Variants in OVOL2 observed in about 807,000 individuals in gnomAD.
OVOL2 encodes transcription factor Ovo-like 2.
OVOL2 carries 13 observed loss-of-function variants against 18.1 expected under a neutral mutation model. The observed-to-expected ratio is 0.72, with a 90% CI of 0.47 to 1.14. The LOEUF (loss-of-function observed/expected upper bound fraction) is 1.14. OVOL2 is among the 50% of genes most tolerant of loss of function. The pLI, the probability that OVOL2 is intolerant of heterozygous loss-of-function variation, is 0.00. For synonymous variants in OVOL2, 166 were observed against 162.7 expected (o/e 1.02, Z -0.16); for missense variants, 335 against 383.0 (o/e 0.87, Z 1.05).
chr20:18,049,552 C>CCG (rs759076494), intron 2 of OVOL2, among the ~76,000 whole-genome samples: 10 of 79,752 alleles, frequency 1.3e-4, no homozygotes, highest in Admixed American at 1.2e-3. Context: ...CATTCAGATT[C>CCG]CCCCCCCGAT....
intron 3 of OVOL2, among the ~76,000 whole-genome samples, chr20:18,026,898 AAAG>A (rs2036524485): frequency 6.6e-6 from 1 of 151,986 alleles, no homozygotes; most frequent in South Asian, 2.1e-4. Context: ...TCACACTCAA[AAAG>A]AAGGATGGGA....
At chr20:18,036,968 C>G (rs1381291038) in intron 3 of OVOL2, among the ~76,000 whole-genome samples, 1 of 151,876 alleles carries the variant, frequency 6.6e-6, no homozygotes, top group Non-Finnish European at 1.5e-5. Context: ...AACCCCGTCT[C>G]TACTGAAAAT....
intron 3 of OVOL2, among the ~76,000 whole-genome samples, chr20:18,039,813 C>A (rs910095136): frequency 6.6e-6 from 1 of 152,074 alleles, no homozygotes; most frequent in Non-Finnish European, 1.5e-5. Context: ...TAAGAAGGAA[C>A]CTGTATGAGG....
intron 2 of OVOL2, among the ~76,000 whole-genome samples, chr20:18,053,536 A>G (rs973039259): frequency 6.6e-6 from 1 of 152,126 alleles, no homozygotes; most frequent in African/African-American, 2.4e-5. Context: ...CTTCGTCTCT[A>G]TTAAAAATAC....
chr20:18,034,282 C>A (rs145724567), intron 3 of OVOL2, among the ~76,000 whole-genome samples: 1 of 152,152 alleles, frequency 6.6e-6, no homozygotes, highest in Non-Finnish European at 1.5e-5. Flanking sequence ...CCTCAGCCAA[C>A]GTCAGACTGA....
intron 2 of OVOL2, chr20:18,050,746 T>C (rs1390095126): frequency 6.6e-6 from 1 of 152,268 alleles, no homozygotes; most frequent in Non-Finnish European, 1.5e-5. Context: ...TGTTGACTTC[T>C]TCCCCTGCCT....
At chr20:18,052,749 C>T (rs1230805299) in intron 2 of OVOL2, among the ~76,000 whole-genome samples, 4 of 152,262 alleles carry the variant, frequency 2.6e-5, no homozygotes, top group East Asian at 1.9e-4. Context: ...AAAGAAAGAA[C>T]AGAATAGGAA....
At chr20:18,038,761 AG>A (rs2036642658) in intron 3 of OVOL2, among the ~76,000 whole-genome samples, 1 of 151,996 alleles carries the variant, frequency 6.6e-6, no homozygotes, top group African/African-American at 2.4e-5. Flanking sequence ...ACCCTCAAGG[AG>A]GGGCTGAGAC....
At chr20:18,047,133 G>A (rs1383636665) in intron 2 of OVOL2, among the ~76,000 whole-genome samples, 1 of 152,176 alleles carries the variant, frequency 6.6e-6, no homozygotes, top group Non-Finnish European at 1.5e-5. Flanking sequence ...CTACCACTTA[G>A]TTTGTGGCAA....
In OVOL2 at chr20:18,057,024, A is replaced by G. The variant is rs1294502105; in HGVS notation, c.101-147T>C. On this transcript the variant is annotated intron_variant, in intron 1 of 3. Coordinates refer to ENST00000278780, the MANE Select transcript of OVOL2 (RefSeq NM_021220.4). The surrounding 1 kb of genome is among the most constrained non-coding windows in gnomAD (Gnocchi z 6.3). ...GGGCAACGTCGCGGGGGAGGCCAGTAAGCCCCGAATCGGCCCACAGAGCTA... is the reference window on the plus strand; with the variant it reads ...GGGCAACGTCGCGGGGGAGGCCAGTGAGCCCCGAATCGGCCCACAGAGCTA... 9.7e-6 allele frequency: 9 copies of G among 931,364 alleles called. No individual in the cohort carries two copies. Among genetic ancestry groups the G allele is most frequent in the Non-Finnish European group, 1.2e-5 (8 of 676,570 alleles). 57.7% of individuals were successfully genotyped at this position (931,364 alleles called of 1,614,324 possible).
intron 3 of OVOL2, 108 bp from the exon 4 acceptor site, chr20:18,025,060 A>T: frequency 7.7e-7 from 1 of 1,298,386 alleles, no homozygotes. Flanking sequence ...TCATGGCAGC[A>T]TGAGGACAAT....
rs1343085338 is a variant in OVOL2 at position 18,056,647 on chromosome 20, G to T, written c.321+10C>A. 5.0e-6 allele frequency: 7 copies of T among 1,404,132 alleles called. No homozygotes were observed. Among genetic ancestry groups the T allele is most frequent in the Non-Finnish European group, 6.5e-6 (7 of 1,080,646 alleles). The allele number at this position is 1,404,132 out of a possible 1,614,324, so 87.0% of individuals were successfully genotyped here. On this transcript the variant is annotated intron_variant, in intron 2 of 3. Transcript: ENST00000278780. The surrounding 1 kb of genome is among the most constrained non-coding windows in gnomAD (Gnocchi z 4.2). ...TGCAGGTGGCGGCGGGGGCAGAGTC[G>T]ACACAGTACCTTGATTTTCGATCTG... is the stretch of plus-strand genomic sequence containing the variant.
In OVOL2 at chr20:18,056,800, T is replaced by TGCTGCC. The variant is rs1191019946; in HGVS notation, c.172_177dup (p.Gly58_Ser59dup). 1.4e-5 allele frequency: 21 copies of TGCTGCC among 1,492,860 alleles called. No individual in the cohort carries two copies. Among genetic ancestry groups the TGCTGCC allele is most frequent in the Middle Eastern group, 2.0e-4 (1 of 4,972 alleles). The allele number at this position is 1,492,860 out of a possible 1,614,324, so 92.5% of individuals were successfully genotyped here. On this transcript the variant is annotated inframe_insertion, in exon 2 of 4. Transcript: ENST00000278780. The surrounding 1 kb of genome is among the most constrained non-coding windows in gnomAD (Gnocchi z 4.2). ...GCTCCTCCAGGCTCCCCCGCGCTGCTGCTGCCGCTGCCGCTGCTGCTGCCG... is the reference window on the plus strand; with the variant it reads ...GCTCCTCCAGGCTCCCCCGCGCTGCTGCTGCCGCTGCCGCTGCCGCTGCTGCTGCCG...
At chr20:18,052,593 T>C (rs1336929986) in intron 2 of OVOL2, among the ~76,000 whole-genome samples, 1 of 152,116 alleles carries the variant, frequency 6.6e-6, no homozygotes, top group Non-Finnish European at 1.5e-5. Context: ...TTGTAAATAA[T>C]ACAAAGTGAT....
intron 2 of OVOL2, among the ~76,000 whole-genome samples, chr20:18,052,423 C>T (rs989088681): frequency 2.6e-5 from 4 of 152,122 alleles, no homozygotes; most frequent in African/African-American, 9.7e-5. Flanking sequence ...ATCCACTAAA[C>T]GCACATTCTG....
intron 3 of OVOL2, among the ~76,000 whole-genome samples, chr20:18,027,220 T>C (rs550292661): frequency 1.3e-5 from 2 of 152,194 alleles, no homozygotes; most frequent in African/African-American, 2.4e-5. Context: ...GCAAGTTTTA[T>C]TGGGCTTTAA....
At chr20:18,026,581 C>T (rs992085045) in intron 3 of OVOL2, among the ~76,000 whole-genome samples, 1 of 152,126 alleles carries the variant, frequency 6.6e-6, no homozygotes, top group Non-Finnish European at 1.5e-5. Context: ...CGGGGTTTCA[C>T]CATGTTAGCC....
At position 18,024,849 on chromosome 20, in the gene OVOL2, G is replaced by T; in HGVS notation, c.615C>A (p.Ala205=). 4.3e-6 allele frequency: 7 copies of T among 1,614,212 alleles called. No homozygotes were observed. The highest frequency in any genetic ancestry group is 5.9e-6 in the Non-Finnish European group (7 of 1,180,048). Residue 205 remains alanine, a synonymous_variant, in exon 4 of 4, where the codon GCC becomes GCA. Transcript: ENST00000278780. ...AGAGCTTGTCCCGCCGCTGCTTATA[G>T]GCATACTGCTGCTGCACCCCATGGA... is the stretch of plus-strand genomic sequence containing the variant. ...KKIHGVQQQY[A]YKQRRDKLYV... is the part of the protein sequence containing the mutation.
chr20:18,038,900 G>A (rs893083071), intron 3 of OVOL2, among the ~76,000 whole-genome samples: 5 of 151,966 alleles, frequency 3.3e-5, no homozygotes, highest in Non-Finnish European at 5.9e-5. Context: ...ACCTCCCCTA[G>A]GCCTCTTATA....
Sources: gnomAD v4.1 joint callset for allele counts (sites outside exome capture counted in the v4.1 genomes callset) on GRCh38, gnomAD v4.1.1 for gene constraint, Gnocchi (gnomAD v3.1) non-coding constraint, MANE v1.5 for transcripts, NCBI Gene and HGNC (gene_info 2026-07-23, HGNC 2026-07-21) for gene names.